Variants in ADAMTS20 observed in about 807,000 individuals in gnomAD.
ADAMTS20 encodes A disintegrin and metalloproteinase with thrombospondin motifs 20.
A neutral mutation model predicts 260.1 loss-of-function variants in ADAMTS20; 225 were observed. The ratio of observed to expected loss-of-function variants is 0.87; its 90% CI spans 0.78 to 0.97. The LOEUF is 0.97. ADAMTS20 is among the 50% of genes least tolerant of loss of function. The pLI, the probability that ADAMTS20 is intolerant of heterozygous loss-of-function variation, is 0.00. For missense variants in ADAMTS20, 2,400 were observed against 2,337.7 expected, an observed-to-expected ratio of 1.03 and a Z score of -0.55; for synonymous variants, 802 against 769.5, an observed-to-expected ratio of 1.04 and a Z score of -0.70.
At chr12:43,458,149 G>T (rs1434876571) in intron 11 of ADAMTS20, among the ~76,000 whole-genome samples, 1 of 152,196 alleles carries the variant, frequency 6.6e-6, no homozygotes, top group African/African-American at 2.4e-5. Context: ...CCAGAAAGGT[G>T]GAGACAGCTC....
intron 3 of ADAMTS20, 70 bp from the exon 4 acceptor site, chr12:43,502,475 G>C: frequency 1.4e-6 from 2 of 1,424,502 alleles, no homozygotes; most frequent in African/African-American, 1.4e-5. Context: ...GCAAAAAATA[G>C]AACAGCCAAA....
Position 43,421,282 on chromosome 12 carries a change from CAAAAAAA to C in ADAMTS20, c.4284+4225_4284+4231del, listed in dbSNP as rs61465679. Among the ~76,000 whole-genome samples, 367 of 118,884 alleles carry C rather than the reference CAAAAAAA, an allele frequency of 3.1e-3. 5 individuals are homozygous for C. Among genetic ancestry groups the C allele is most frequent in the African/African-American group, 0.011 (349 of 31,860 alleles). The allele number at this position is 118,884 out of a possible 152,430, so 78.0% of individuals were successfully genotyped here. On this transcript the variant is annotated intron_variant, in intron 28 of 38. Coordinates refer to ENST00000389420, the MANE Select transcript of ADAMTS20 (RefSeq NM_025003.5). ...GGTTCAAGTAGCAAGCTTTCATTTA[CAAAAAAA>C]AAAAAAAAACTTTCTCTTTTTTTGT...
intron 8 of ADAMTS20, among the ~76,000 whole-genome samples, chr12:43,467,751 C>T (rs559587965): frequency 2.6e-5 from 4 of 152,084 alleles, no homozygotes; most frequent in African/African-American, 7.2e-5. Context: ...TGAGATATAA[C>T]CATGCAAAAA....
chr12:43,489,476 G>T (rs1051554005), intron 7 of ADAMTS20, among the ~76,000 whole-genome samples: 4 of 151,582 alleles, frequency 2.6e-5, no homozygotes, highest in Admixed American at 1.3e-4. Context: ...TACAGAAAAA[G>T]AAATACAAAT....
At chr12:43,527,518 T>C (rs186147845) in intron 3 of ADAMTS20, among the ~76,000 whole-genome samples, 1 of 151,954 alleles carries the variant, frequency 6.6e-6, no homozygotes, top group African/African-American at 2.4e-5. Flanking sequence ...CATCCAAGGA[T>C]CCAGGGATGG....
At chr12:43,471,365 C>G (rs1249179063) in intron 7 of ADAMTS20, among the ~76,000 whole-genome samples, 3 of 137,304 alleles carry the variant, frequency 2.2e-5, no homozygotes, top group African/African-American at 8.2e-5. Context: ...TTTGCTAGCA[C>G]AGCAGTCTGA....
chr12:43,478,545 A>G (rs905376873), intron 7 of ADAMTS20, among the ~76,000 whole-genome samples: 6 of 152,164 alleles, frequency 3.9e-5, no homozygotes, highest in African/African-American at 1.4e-4. Flanking sequence ...TAGCCCAAGC[A>G]GGATAAATAA....
At chr12:43,470,416 T>C (rs1187177014) in intron 7 of ADAMTS20, among the ~76,000 whole-genome samples, 1 of 152,174 alleles carries the variant, frequency 6.6e-6, no homozygotes, top group Non-Finnish European at 1.5e-5. Context: ...TTTGTAAAAA[T>C]ATGTATCAAA....
rs114667375 is a variant in ADAMTS20, at chr12:43,398,620, A to T, written c.4452+446T>A. 4.9e-3 allele frequency among the ~76,000 whole-genome samples: 743 copies of T among 152,210 alleles called. 8 individuals are homozygous for T. The highest frequency in any genetic ancestry group is 0.016 in the African/African-American group (673 of 41,544). On this transcript the variant is annotated intron_variant, in intron 29 of 38. Transcript: ENST00000389420. ...AGTTACTAAATGTATCATCATATAT[A>T]TTTTTCTGTTAGCCTGCATAGAATA...
intron 4 of ADAMTS20, among the ~76,000 whole-genome samples, chr12:43,499,072 G>A (rs1012685259): frequency 6.6e-6 from 1 of 152,096 alleles, no homozygotes; most frequent in African/African-American, 2.4e-5. Context: ...CTGAAATTGG[G>A]CTTCTTAGGA....
At chr12:43,464,054 A>C (rs2137377164) in intron 10 of ADAMTS20, among the ~76,000 whole-genome samples, 1 of 152,304 alleles carries the variant, frequency 6.6e-6, no homozygotes, top group South Asian at 2.1e-4. Context: ...ATCTAATAAA[A>C]GTGTTAGGAT....
At chr12:43,486,039 AAATATC>A (rs1942517898) in intron 7 of ADAMTS20, among the ~76,000 whole-genome samples, 1 of 152,152 alleles carries the variant, frequency 6.6e-6, no homozygotes, top group African/African-American at 2.4e-5. Flanking sequence ...ATTTCTATCA[AAATATC>A]AATATCATTT....
At chr12:43,425,444 A>C in intron 28 of ADAMTS20, 70 bp downstream of exon 28, 3 of 1,271,486 alleles carry the variant, frequency 2.4e-6, no homozygotes, top group Non-Finnish European at 3.1e-6. Flanking sequence ...AAAGAAAAAC[A>C]ATGAACTCTC....
intron 15 of ADAMTS20, among the ~76,000 whole-genome samples, chr12:43,445,405 G>A (rs906999202): frequency 1.3e-5 from 2 of 151,926 alleles, no homozygotes; most frequent in African/African-American, 4.8e-5. Context: ...TCTAGTAACC[G>A]AGATTTGTAA....
chr12:43,426,121 C>T (rs1941328843), intron 27 of ADAMTS20, among the ~76,000 whole-genome samples: 4 of 152,034 alleles, frequency 2.6e-5, no homozygotes, highest in African/African-American at 9.7e-5. Flanking sequence ...TAAGGTACGT[C>T]TAATTTTATA....
At chr12:43,376,695 T>G in intron 32 of ADAMTS20, 42 bp from the exon 33 acceptor site, 3 of 1,568,408 alleles carry the variant, frequency 1.9e-6, no homozygotes, top group Middle Eastern at 1.7e-4. Context: ...ATATTATGAA[T>G]CTTAAGGCCA....
intron 7 of ADAMTS20, among the ~76,000 whole-genome samples, chr12:43,471,126 C>A (rs1042131672): frequency 6.6e-6 from 1 of 152,094 alleles, no homozygotes; most frequent in Admixed American, 6.5e-5. Flanking sequence ...CCAGTGGGTG[C>A]ACGCACCGTG....
At chr12:43,428,871 T>C in intron 24 of ADAMTS20, 72 bp from the exon 25 acceptor site, 2 of 1,325,644 alleles carry the variant, frequency 1.5e-6, no homozygotes, top group Non-Finnish European at 2.0e-6. Flanking sequence ...TACATAGCTG[T>C]TACTCACATT....
At chr12:43,419,389 A>AT (rs1941188027) in intron 28 of ADAMTS20, among the ~76,000 whole-genome samples, 1 of 152,124 alleles carries the variant, frequency 6.6e-6, no homozygotes, top group Non-Finnish European at 1.5e-5. Context: ...TTAAAGTATG[A>AT]TTTTCTCAAA....
Sources: gnomAD v4.1 joint callset for allele counts (sites outside exome capture counted in the v4.1 genomes callset) on GRCh38, gnomAD v4.1.1 for gene constraint, MANE v1.5 for transcripts, NCBI Gene and HGNC (gene_info 2026-07-23, HGNC 2026-07-21) for gene names.